Variants in ABCC11 observed in about 807,000 individuals in gnomAD.
The protein encoded by ABCC11 is ATP binding cassette subfamily C member 11, also known as ATP-binding cassette sub-family C member 11.
In ABCC11, 135 loss-of-function variants were observed where a neutral mutation model predicts 149.3. The ratio of observed to expected loss-of-function variants is 0.90; its 90% CI spans 0.79 to 1.04. The LOEUF is 1.04. ABCC11 is among the 50% of genes least tolerant of loss of function. ABCC11 has a pLI of 0.00. For synonymous variants in ABCC11, 665 were observed against 671.4 expected, an observed-to-expected ratio of 0.99 and a Z score of 0.15; for missense variants, 1,680 against 1,722.1, an observed-to-expected ratio of 0.98 and a Z score of 0.43.
At chr16:48,245,212 C>T (rs959383392) in intron 1 of ABCC11, among the ~76,000 whole-genome samples, 1 of 152,136 alleles carries the variant, frequency 6.6e-6, no homozygotes, top group African/African-American at 2.4e-5. Flanking sequence ...TGTAAAGGGC[C>T]TTTACTGCTC....
At chr16:48,242,588 C>G (rs1445226665) in intron 1 of ABCC11, among the ~76,000 whole-genome samples, 1 of 152,206 alleles carries the variant, frequency 6.6e-6, no homozygotes, top group Non-Finnish European at 1.5e-5. Context: ...TATAAAGACA[C>G]ACACACACGT....
Position 48,211,098 on chromosome 16 carries a change from G to C in ABCC11, c.1458C>G (p.Thr486=). The change falls in exon 11 of 30, where the codon ACC becomes ACG. Residue 486 remains threonine (T), a synonymous_variant. Coordinates refer to ENST00000356608, the MANE Select transcript of ABCC11 (RefSeq NM_001370497.1). The part of the protein sequence containing the change: ...FEEATLSWQQ[T]CPGIVNGALE... ...GTGCCCCATTGACGATCCCGGGACA[G>C]GTCTGTTGCCATGACAAGGTGGCCT... 6.2e-7 allele frequency: 1 copy of C among 1,614,208 alleles called. No individual in the cohort carries two copies. Among genetic ancestry groups the C allele is most frequent in the Non-Finnish European group, 8.5e-7 (1 of 1,180,040 alleles).
intron 26 of ABCC11, among the ~76,000 whole-genome samples, chr16:48,171,287 G>A (rs1250996234): frequency 6.6e-6 from 1 of 152,198 alleles, no homozygotes; most frequent in African/African-American, 2.4e-5. Context: ...CCTGGCCATG[G>A]TGCTTAGCTT....
intron 24 of ABCC11, 115 bp downstream of exon 24, chr16:48,178,482 C>A: frequency 1.1e-6 from 1 of 936,888 alleles, no homozygotes; most frequent in Non-Finnish European, 1.6e-6. Context: ...GGCCAGGAGC[C>A]TGGTGTTTCC....
chr16:48,177,711 G>A (rs564170285), intron 24 of ABCC11, among the ~76,000 whole-genome samples: 81 of 152,336 alleles, frequency 5.3e-4, no homozygotes, highest in Middle Eastern at 3.4e-3. Flanking sequence ...GAAGAAGTTG[G>A]ATCTGACCAC....
chr16:48,211,269 T>G (rs769546107), intron 10 of ABCC11, 70 bp from the exon 11 acceptor site: 331 of 1,541,212 alleles, frequency 2.1e-4, no homozygotes, highest in Non-Finnish European at 2.5e-4. Flanking sequence ...GTGTTCCCAG[T>G]TTTACAAGTC....
At chr16:48,227,475 CAAA>C (rs71309365) in intron 4 of ABCC11, among the ~76,000 whole-genome samples, 11 of 88,046 alleles carry the variant, frequency 1.2e-4, no homozygotes, top group African/African-American at 2.6e-4. Context: ...GACTCCATCT[CAAA>C]AAAAAAAAAA....
rs1170636117 is a variant in ABCC11, at chr16:48,210,468, T to C, written c.1608+480A>G. 1.3e-5 allele frequency: 2 copies of C among 157,814 alleles called. 1 individual carries two copies. Among genetic ancestry groups the C allele is most frequent in the African/African-American group, 4.8e-5 (2 of 41,450 alleles). The allele number at this position is 157,814 out of a possible 1,614,324, so 9.8% of individuals were successfully genotyped here. ...ATTCTATATCAATTATTATAAGGTA[T>C]CAATATCTACATTAATAGATAACAG... On this transcript the variant is annotated intron_variant, in intron 11 of 29. Transcript: ENST00000356608.
intron 1 of ABCC11, chr16:48,244,386 A>G (rs780844534): frequency 1.3e-6 from 2 of 1,539,588 alleles, no homozygotes; most frequent in Non-Finnish European, 8.7e-7. Context: ...AAAGGCTGCC[A>G]GCATGTCATC....
At position 48,189,881 on chromosome 16, in the gene ABCC11, C is replaced by T. The variant is rs16945922; in HGVS notation, c.2707-2454G>A. 2.4e-3 allele frequency among the ~76,000 whole-genome samples: 371 copies of T among 152,284 alleles called. 1 individual carries two copies. Among genetic ancestry groups the T allele is most frequent in the African/African-American group, 8.5e-3 (354 of 41,554 alleles). ...CAATTTGCATTCAGTCTACAAGGAACGATGGGCCGCTCCTCACCTCCTGCG... is the reference window on the plus strand; with the variant it reads ...CAATTTGCATTCAGTCTACAAGGAATGATGGGCCGCTCCTCACCTCCTGCG... On this transcript the variant is annotated intron_variant, in intron 20 of 29. Coordinates refer to ENST00000356608, the MANE Select transcript of ABCC11 (RefSeq NM_001370497.1).
rs753473594 is a variant in ABCC11 at position 48,227,827 on chromosome 16, G to T, written c.374C>A (p.Ala125Asp). 6.2e-7 allele frequency: 1 copy of T among 1,614,034 alleles called. No homozygotes were observed. Among genetic ancestry groups the T allele is most frequent in the South Asian group, 1.1e-5 (1 of 91,066 alleles). ...TCACCTTTGGACATTTTTGTCTGAG[G>T]CATCATGGACTGACAGTGGAGGGAT... ...NTIPPLSVHD[A>D]SDKNVQRLHR... is the part of the protein sequence containing the mutation. The change falls in exon 4 of 30, where the codon GCC becomes GAC. Residue 125 changes from alanine to aspartate, a missense_variant. Physicochemically the swap from Ala to Asp is moderately radical, Grantham distance 126. Transcript: ENST00000356608.
chr16:48,244,916 G>C (rs1971271936), intron 1 of ABCC11, among the ~76,000 whole-genome samples: 1 of 152,098 alleles, frequency 6.6e-6, no homozygotes, highest in Non-Finnish European at 1.5e-5. Flanking sequence ...CCTCGCCCTC[G>C]GTCTTCAGCC....
intron 14 of ABCC11, among the ~76,000 whole-genome samples, chr16:48,202,282 C>T (rs1161977234): frequency 6.6e-6 from 1 of 152,178 alleles, no homozygotes; most frequent in Non-Finnish European, 1.5e-5. Context: ...TCATTGAGCT[C>T]TCTGCCATCA....
chr16:48,196,241 C>T lies in ABCC11; in HGVS notation c.2395G>A (p.Ala799Thr), dbSNP rs1305172827. ...GGCATGGGGACCGTACCTCCAGCTG[C>T]CTGGATGTAGTGGTGGTAGACCCTC... ...SWRVYHHYIQ[A>T]AGGYMVSCII... The change falls in exon 18 of 30, where the codon GCA becomes ACA. Residue 799 changes from alanine to threonine, a missense_variant. Coordinates refer to ENST00000356608, the MANE Select transcript of ABCC11 (RefSeq NM_001370497.1). The T allele has an allele frequency of 2.9e-5, 47 of 1,614,006 alleles. No individual in the cohort carries two copies. Among genetic ancestry groups the T allele is most frequent in the Non-Finnish European group, 3.8e-5 (45 of 1,180,018 alleles).
Position 48,211,018 on chromosome 16 carries a change from G to T in ABCC11, c.1538C>A (p.Ala513Asp), listed in dbSNP as rs1341587513. Residue 513 changes from alanine (A) to aspartate (D), a missense_variant, in exon 11 of 30, where the codon GCC (alanine) becomes GAC (aspartate). Transcript: ENST00000356608. The part of the protein sequence containing the change: ...ASEGMTRPRD[A>D]LGPEEEGNSL... ...GTTCCCTTCTTCCTCTGGCCCGAGG[G>T]CATCTCTAGGCCTGGTCATCCCCTC... 1 of 1,614,068 alleles carries T rather than the reference G, an allele frequency of 6.2e-7. No homozygotes were observed. Among genetic ancestry groups the T allele is most frequent in the African/African-American group, 1.3e-5 (1 of 74,924 alleles).
chr16:48,200,500 G>C lies in ABCC11; in HGVS notation c.1879-21C>G, dbSNP rs373645525. 7 of 1,611,468 alleles carry C rather than the reference G, an allele frequency of 4.3e-6. No homozygotes were observed. In the South Asian group the frequency reaches 6.6e-5, roughly 15 times the overall value. ...CCAATCTGCAGACAGGCAGTAAAAG[G>C]CACCATGTCCAGACAGCAAGCACAG... On this transcript the variant is annotated intron_variant, in intron 14 of 29. Coordinates refer to ENST00000356608, the MANE Select transcript of ABCC11 (RefSeq NM_001370497.1).
intron 3 of ABCC11, among the ~76,000 whole-genome samples, chr16:48,229,727 G>GT (rs1208789484): frequency 1.3e-5 from 2 of 152,026 alleles, no homozygotes; most frequent in Admixed American, 6.6e-5. Context: ...GCCTCCCAAA[G>GT]TGCTGGGATT....
chr16:48,221,255 T>A (rs575098308), intron 6 of ABCC11, among the ~76,000 whole-genome samples: 21 of 152,304 alleles, frequency 1.4e-4, no homozygotes, highest in Non-Finnish European at 2.5e-4. Flanking sequence ...CAAAGCAGTG[T>A]TGCCTTTTCC....
intron 24 of ABCC11, among the ~76,000 whole-genome samples, chr16:48,178,099 C>G (rs1966201846): frequency 6.6e-6 from 1 of 152,180 alleles, no homozygotes. Flanking sequence ...CATGTTATAT[C>G]ATTTCAACTT....
Sources: gnomAD v4.1 joint callset for allele counts (sites outside exome capture counted in the v4.1 genomes callset) on GRCh38, gnomAD v4.1.1 for gene constraint, MANE v1.5 for transcripts, NCBI Gene and HGNC (gene_info 2026-07-23, HGNC 2026-07-21) for gene names.